NLRP5: variants seen among roughly 807,000 people sequenced by gnomAD.
NLRP5 encodes NLR family pyrin domain containing 5.
Under a neutral mutation model 113.1 loss-of-function variants are expected in NLRP5, and 93 were observed. The ratio of observed to expected loss-of-function variants is 0.82; its 90% CI spans 0.70 to 0.98. NLRP5 has a LOEUF of 0.98. NLRP5 is among the 50% of genes least tolerant of loss of function. NLRP5 has a pLI of 0.00. For synonymous variants in NLRP5, 751 were observed against 600.7 expected, an observed-to-expected ratio of 1.25 and a Z score of -3.66; for missense variants, 1,808 against 1,514.3, an observed-to-expected ratio of 1.19 and a Z score of -3.22.
intron 8 of NLRP5, among the ~76,000 whole-genome samples, chr19:56,033,197 G>A (rs890603883): frequency 6.6e-5 from 10 of 152,156 alleles, no homozygotes; most frequent in Non-Finnish European, 1.2e-4. Flanking sequence ...GTTGCAGTGA[G>A]CCAAGATCGC....
intron 5 of NLRP5, 141 bp downstream of exon 5, chr19:56,019,539 C>T: frequency 1.8e-5 from 16 of 874,582 alleles, no homozygotes; most frequent in Non-Finnish European, 2.9e-5. Flanking sequence ...AACCCCTTCC[C>T]TTCAAGCTCT....
chr19:56,015,598 G>A, intron 3 of NLRP5, 144 bp from the exon 4 acceptor site: 5 of 522,686 alleles, frequency 9.6e-6, no homozygotes, highest in Non-Finnish European at 1.6e-5. Context: ...ACACTGCCCT[G>A]GCGCTGAGCC....
intron 7 of NLRP5, among the ~76,000 whole-genome samples, 188 bp downstream of exon 7, chr19:56,028,697 G>C (rs1468705642): frequency 2.0e-5 from 3 of 152,192 alleles, no homozygotes; most frequent in Non-Finnish European, 4.4e-5. Flanking sequence ...CCTGGGAAAG[G>C]TCTTTCACAA....
At chr19:56,058,732 A>G (rs1432557349) in intron 14 of NLRP5, among the ~76,000 whole-genome samples, 1 of 152,336 alleles carries the variant, frequency 6.6e-6, no homozygotes, top group East Asian at 1.9e-4. Flanking sequence ...TGAGTATGTT[A>G]CCCAAAAGAA....
chr19:56,020,928 C>T (rs1982588921), intron 6 of NLRP5, among the ~76,000 whole-genome samples: 1 of 148,608 alleles, frequency 6.7e-6, no homozygotes, highest in Admixed American at 6.8e-5. Context: ...AGCTGTAGTG[C>T]AGTGGCGGTA....
the NLRP5 span, among the ~76,000 whole-genome samples, chr19:55,992,890 C>G: frequency 7.2e-5 from 11 of 152,080 alleles, no homozygotes; most frequent in Non-Finnish European, 1.3e-4. Context: ...GCTCTTGTTG[C>G]CCAGGCTGGA....
intron 14 of NLRP5, among the ~76,000 whole-genome samples, chr19:56,058,985 T>TACAGTAC (rs1235989623): frequency 2.6e-4 from 40 of 152,292 alleles, no homozygotes; most frequent in African/African-American, 8.9e-4. Flanking sequence ...GGATTCTACC[T>TACAGTAC]CGAAGAGGTA....
rs1300554505 is a variant in NLRP5 at position 56,015,829 on chromosome 19, C to T, written c.565+31C>T. The T allele has an allele frequency of 2.0e-6, 3 of 1,516,784 alleles. No individual in the cohort carries two copies. The Admixed American group carries it at 6.1e-5, about 31-fold the overall frequency. 94.0% of individuals were successfully genotyped at this position (1,516,784 alleles called of 1,614,324 possible). On this transcript the variant is annotated intron_variant, in intron 4 of 14. Transcript: ENST00000390649. ...TGAAATAGATCTATTCATTTGTTGC[C>T]CTCCTGGAAGAAAGTTGGGTGAGAG...
At chr19:56,033,803 A>C in intron 9 of NLRP5, 94 bp downstream of exon 9, 1 of 1,136,900 alleles carries the variant, frequency 8.8e-7, no homozygotes, top group East Asian at 2.4e-5. Flanking sequence ...AGAGCTGCAA[A>C]GATGGAAAAG....
chr19:56,051,786 G>A (rs1241741057), intron 12 of NLRP5, among the ~76,000 whole-genome samples: 1 of 152,134 alleles, frequency 6.6e-6, no homozygotes, highest in African/African-American at 2.4e-5. Context: ...GAGCATAAAT[G>A]ATTTCATTCC....
At chr19:55,996,396 C>G (rs1054914610), upstream of NLRP5, among the ~76,000 whole-genome samples, 1 of 152,112 alleles carries the variant, frequency 6.6e-6, no homozygotes, top group African/African-American at 2.4e-5. Flanking sequence ...TACATGTGCA[C>G]AACGTGCAGG....
chr19:56,036,407 G>T (rs1983318656), intron 9 of NLRP5, among the ~76,000 whole-genome samples: 1 of 150,742 alleles, frequency 6.6e-6, no homozygotes, highest in African/African-American at 2.4e-5. Context: ...TTGATTCTGT[G>T]TGTAGTAGTA....
chr19:56,005,107 A>AAAATATATATATATAT (rs1173746273), intron 2 of NLRP5, among the ~76,000 whole-genome samples: 1 of 95,344 alleles, frequency 1.0e-5, no homozygotes, highest in African/African-American at 3.9e-5. Flanking sequence ...AAAAAAAAAA[A>AAAATATATATATATAT]ATATATATAT....
intron 1 of NLRP5, among the ~76,000 whole-genome samples, chr19:56,001,454 A>T (rs60149368): frequency 0.53 from 80,726 of 151,504 alleles, 21,808 homozygotes; most frequent in East Asian, 0.86. Context: ...AATTACTTGA[A>T]ATTTTATAAT....
the NLRP5 span, among the ~76,000 whole-genome samples, chr19:55,993,255 T>A: frequency 3.3e-5 from 5 of 151,542 alleles, no homozygotes; most frequent in Admixed American, 3.3e-4. Context: ...TCCTCCCTTC[T>A]AGCTTTTTGA....
chr19:56,028,340 G>T lies in NLRP5; in HGVS notation c.2107G>T (p.Ala703Ser). 1 of 1,613,976 alleles carries T rather than the reference G, an allele frequency of 6.2e-7. No individual in the cohort carries two copies. The highest frequency in any genetic ancestry group is 1.1e-5 in the South Asian group (1 of 91,070). The change falls in exon 7 of 15, where the codon GCA becomes TCA. Residue 703 changes from alanine (A) to serine (S), a missense_variant. Ala to Ser is a moderately conservative substitution (Grantham distance 99). Transcript: ENST00000390649. ...TCAAGACAAAGAGTTTGTTCGCTTG[G>T]CATTAAACAGCTTCCAAGAAGTGTG...
intron 11 of NLRP5, among the ~76,000 whole-genome samples, chr19:56,045,661 T>C (rs905081770): frequency 6.6e-6 from 1 of 152,090 alleles, no homozygotes; most frequent in Admixed American, 6.6e-5. Context: ...TGGTGTTTGG[T>C]TTTTTGTCCT....
chr19:55,999,501 C>T (rs12975782), upstream of NLRP5, among the ~76,000 whole-genome samples: 48,562 of 151,830 alleles, frequency 0.32, 8,185 homozygotes, highest in African/African-American at 0.43. Flanking sequence ...CGCTTGTGTA[C>T]CGTGACATAC....
At chr19:56,031,752 GTCC>G (rs1288446185) in intron 7 of NLRP5, among the ~76,000 whole-genome samples, 5 of 151,964 alleles carry the variant, frequency 3.3e-5, no homozygotes, top group Admixed American at 1.3e-4. Flanking sequence ...ACGGTAGAAT[GTCC>G]TCCTCTAAGG....
Sources: allele counts gnomAD v4.1 joint callset (sites outside exome capture counted in the v4.1 genomes callset), GRCh38; gene constraint gnomAD v4.1.1; transcripts MANE v1.5; gene names NCBI Gene and HGNC (gene_info 2026-07-23, HGNC 2026-07-21).